The following GNAL variants were observed in gnomAD, a reference collection of about 807,000 sequenced individuals.
GNAL encodes the protein G protein subunit alpha L.
GNAL carries 18 observed loss-of-function variants against 55.1 expected under a neutral mutation model. That is an observed-to-expected ratio of 0.33 (90% CI 0.23 to 0.48). The LOEUF is 0.48. Among genes scored for constraint, GNAL ranks in the 20% least tolerant of loss-of-function variants. GNAL has a pLI of 0.99. For synonymous variants in GNAL, 253 were observed against 237.0 expected, an observed-to-expected ratio of 1.07 and a Z score of -0.62; for missense variants, 412 against 614.1, an observed-to-expected ratio of 0.67 and a Z score of 3.48.
At chr18:11,813,756 T>C (rs1371495052) in intron 4 of GNAL, among the ~76,000 whole-genome samples, 2 of 152,212 alleles carry the variant, frequency 1.3e-5, no homozygotes, top group Admixed American at 1.3e-4. Flanking sequence ...CATGTGCCTG[T>C]GGTCCCAGCT....
At chr18:11,783,980 A>G (rs2033989585) in intron 4 of GNAL, among the ~76,000 whole-genome samples, 1 of 152,218 alleles carries the variant, frequency 6.6e-6, no homozygotes, top group Admixed American at 6.5e-5. Context: ...CCATCTGTGC[A>G]TGTTCATTGT....
chr18:11,757,431 TGAA>T (rs1164252230), intron 4 of GNAL, among the ~76,000 whole-genome samples: 3 of 152,144 alleles, frequency 2.0e-5, no homozygotes, highest in African/African-American at 7.2e-5. Context: ...AGGCAGGAGT[TGAA>T]GGAGGGCAAC....
intron 1 of GNAL, among the ~76,000 whole-genome samples, chr18:11,717,140 G>T (rs1377115623): frequency 1.3e-5 from 2 of 152,230 alleles, no homozygotes; most frequent in Admixed American, 1.3e-4. Context: ...GCAGCTGCTG[G>T]CCCAGGTGCT....
At chr18:11,829,732 G>A (rs560540333) in intron 5 of GNAL, among the ~76,000 whole-genome samples, 2 of 152,168 alleles carry the variant, frequency 1.3e-5, no homozygotes, top group African/African-American at 4.8e-5. Flanking sequence ...CTCAGTCAAC[G>A]GGCGCAGTAG....
chr18:11,738,250 A>G (rs2032499784), intron 1 of GNAL, among the ~76,000 whole-genome samples: 1 of 152,124 alleles, frequency 6.6e-6, no homozygotes, highest in African/African-American at 2.4e-5. Flanking sequence ...GCAGGCCCCA[A>G]AGGCCTCCTC....
intron 5 of GNAL, among the ~76,000 whole-genome samples, chr18:11,827,669 C>T (rs2143666360): frequency 6.6e-6 from 1 of 151,362 alleles, no homozygotes; most frequent in East Asian, 2.0e-4. Context: ...CACGACAAGT[C>T]CTTCAAGATT....
At chr18:11,778,237 A>G (rs145240886) in intron 4 of GNAL, among the ~76,000 whole-genome samples, 2 of 152,356 alleles carry the variant, frequency 1.3e-5, no homozygotes, top group African/African-American at 4.8e-5. Flanking sequence ...TTTCACCCTC[A>G]GAACAGACAA....
intron 4 of GNAL, among the ~76,000 whole-genome samples, chr18:11,817,286 A>G (rs774645627): frequency 2.0e-5 from 3 of 152,232 alleles, no homozygotes; most frequent in Admixed American, 2.0e-4. Flanking sequence ...GCCTCAGAGC[A>G]TGCTTTTGAA....
Position 11,752,760 on chromosome 18 carries a change from C to T in GNAL, c.377-93C>T. ...AACCCGCGTGTAGGAAATCCCCGTG[C>T]TGGGGGAGGAGGATTGCTCAGACCC... On this transcript the variant is annotated intron_variant, in intron 1 of 11. Transcript: ENST00000334049. The surrounding 1 kb of genome is among the most constrained non-coding windows in gnomAD (Gnocchi z 4.5). 1 of 1,150,292 alleles carries T rather than the reference C, an allele frequency of 8.7e-7. No individual in the cohort carries two copies. Among genetic ancestry groups the T allele is most frequent in the Admixed American group, 1.8e-5 (1 of 55,578 alleles). 71.3% of individuals were successfully genotyped at this position (1,150,292 alleles called of 1,614,324 possible). A position where few individuals can be genotyped will look rare whatever the true frequency, so the allele number is the denominator to read the frequency against.
chr18:11,707,031 A>G (rs904258814), intron 1 of GNAL, among the ~76,000 whole-genome samples: 3 of 152,136 alleles, frequency 2.0e-5, no homozygotes, highest in African/African-American at 7.2e-5. Flanking sequence ...GTTTTGAGAC[A>G]GGGTCTCACT....
chr18:11,854,805 T>G (rs991645496), intron 5 of GNAL, among the ~76,000 whole-genome samples: 57 of 152,186 alleles, frequency 3.7e-4, no homozygotes, highest in African/African-American at 1.4e-3. Context: ...AAAAAAATTC[T>G]GAGGTAGATT....
At position 11,863,565 on chromosome 18, in the gene GNAL, T is replaced by C. The variant is rs372154226; in HGVS notation, c.778-968T>C. ...TACCTGTCCTAAACAGTTCTCGTTA[T>C]ACTAAAATGGGAGGACCACCTCCCA... is the stretch of plus-strand genomic sequence containing the variant. On this transcript the variant is annotated intron_variant, in intron 6 of 11. Coordinates refer to ENST00000334049, the MANE Select transcript of GNAL (RefSeq NM_182978.4). 3.9e-5 allele frequency among the ~76,000 whole-genome samples: 6 copies of C among 152,300 alleles called. No homozygotes were observed. The East Asian group carries it at 1.2e-3, about 29-fold the overall frequency.
chr18:11,752,753 C>A lies in GNAL; in HGVS notation c.377-100C>A. 1.7e-6 allele frequency: 2 copies of A among 1,154,964 alleles called. No individual in the cohort carries two copies. The highest frequency in any genetic ancestry group is 2.6e-6 in the Non-Finnish European group (2 of 780,724). 71.5% of individuals were successfully genotyped at this position (1,154,964 alleles called of 1,614,324 possible). A position where few individuals can be genotyped will look rare whatever the true frequency, so the allele number is the denominator to read the frequency against. On this transcript the variant is annotated intron_variant, in intron 1 of 11. Coordinates refer to ENST00000334049, the MANE Select transcript of GNAL (RefSeq NM_182978.4). This position sits in a 1 kb window ranked among gnomAD's most constrained non-coding sequence, Gnocchi z 4.5. ...AGCCAGGAACCCGCGTGTAGGAAAT[C>A]CCCGTGCTGGGGGAGGAGGATTGCT...
intron 4 of GNAL, among the ~76,000 whole-genome samples, chr18:11,797,646 G>T (rs2034424979): frequency 6.6e-6 from 1 of 152,060 alleles, no homozygotes; most frequent in South Asian, 2.1e-4. Context: ...TGGGTGGTGG[G>T]GGGGCTGGTT....
chr18:11,716,836 T>C (rs1237098983), intron 1 of GNAL, among the ~76,000 whole-genome samples: 1 of 152,186 alleles, frequency 6.6e-6, no homozygotes, highest in Non-Finnish European at 1.5e-5. Flanking sequence ...GAGCTAGACA[T>C]GAAAGTTCTC....
At chr18:11,768,842 C>G (rs1477060378) in intron 4 of GNAL, among the ~76,000 whole-genome samples, 12 of 130,436 alleles carry the variant, frequency 9.2e-5, no homozygotes, top group East Asian at 9.0e-4. Flanking sequence ...TGCAGTGAGC[C>G]GAGATCACGC....
At chr18:11,691,583 T>TA (rs1471072806) in intron 1 of GNAL, among the ~76,000 whole-genome samples, 4 of 150,972 alleles carry the variant, frequency 2.6e-5, no homozygotes, top group Non-Finnish European at 5.9e-5. Context: ...CTAGGGTTTT[T>TA]ATGGTTTTAG....
intron 1 of GNAL, chr18:11,747,064 GGA>G (rs772263213): frequency 9.0e-6 from 4 of 444,032 alleles, no homozygotes; most frequent in Non-Finnish European, 9.0e-6. Context: ...ATGAGGCCGA[GGA>G]GAGAGAGGCC....
chr18:11,710,861 G>T (rs1363609350), intron 1 of GNAL, among the ~76,000 whole-genome samples: 1 of 151,398 alleles, frequency 6.6e-6, no homozygotes, highest in Non-Finnish European at 1.5e-5. Flanking sequence ...CAATGTCTCA[G>T]TATGAACTGT....
Sources: allele counts gnomAD v4.1 joint callset (sites outside exome capture counted in the v4.1 genomes callset), GRCh38; gene constraint gnomAD v4.1.1; non-coding constraint Gnocchi (gnomAD v3.1); transcripts MANE v1.5; gene names NCBI Gene and HGNC (gene_info 2026-07-23, HGNC 2026-07-21).